Variants in AFF1 observed in about 807,000 individuals in gnomAD.
AFF1 encodes AF4/FMR2 family member 1.
Under a neutral mutation model 121.7 loss-of-function variants are expected in AFF1, and 48 were observed. That is an observed-to-expected ratio of 0.39 (90% CI 0.31 to 0.50). The LOEUF is 0.50. AFF1 is among the 20% of genes least tolerant of loss of function. The probability of loss-of-function intolerance (pLI) is 0.76; values close to 1 mark genes in which losing one functional copy is unlikely to be tolerated. For synonymous variants in AFF1, 613 were observed against 563.0 expected (o/e 1.09, Z -1.26); for missense variants, 1,523 against 1,511.7 (o/e 1.01, Z -0.12).
chr4:87,117,528 G>A (rs774899561), intron 12 of AFF1, among the ~76,000 whole-genome samples: 4 of 152,154 alleles, frequency 2.6e-5, no homozygotes, highest in Non-Finnish European at 5.9e-5. Flanking sequence ...TAATCCTAGT[G>A]CCTATCAGGG....
chr4:86,938,586 AGT>A (rs1287553516), intron 1 of AFF1, among the ~76,000 whole-genome samples: 23 of 152,290 alleles, frequency 1.5e-4, no homozygotes, highest in Admixed American at 1.0e-3. Flanking sequence ...GCTTTCTAGT[AGT>A]CTCTTTTTTT....
At chr4:86,995,957 G>A (rs1427442945) in intron 2 of AFF1, among the ~76,000 whole-genome samples, 2 of 146,980 alleles carry the variant, frequency 1.4e-5, no homozygotes, top group African/African-American at 2.5e-5. Context: ...GTCTCTGCCC[G>A]GCCGCCCCGT....
intron 2 of AFF1, among the ~76,000 whole-genome samples, chr4:87,000,605 C>CTGTGTG (rs57615388): frequency 0.13 from 19,031 of 146,278 alleles, 1,450 homozygotes; most frequent in Non-Finnish European, 0.17. Context: ...AAAATAAACT[C>CTGTGTG]TGTGTGTGTG....
At chr4:87,021,791 A>T (rs547728300) in intron 2 of AFF1, among the ~76,000 whole-genome samples, 1 of 152,366 alleles carries the variant, frequency 6.6e-6, no homozygotes, top group South Asian at 2.1e-4. Context: ...TGTGTTTGAT[A>T]AGTGATTTAG....
chr4:87,069,405 GTC>G (rs1721741254), intron 4 of AFF1, among the ~76,000 whole-genome samples: 1 of 139,892 alleles, frequency 7.1e-6, no homozygotes, highest in African/African-American at 2.7e-5. Flanking sequence ...TCTCTTTTCT[GTC>G]TCTCCCTCCC....
At chr4:86,943,418 G>C (rs1381037522) in intron 1 of AFF1, among the ~76,000 whole-genome samples, 1 of 152,218 alleles carries the variant, frequency 6.6e-6, no homozygotes, top group Non-Finnish European at 1.5e-5. Flanking sequence ...CTGTTACCAA[G>C]AGACTGTTAT....
In AFF1 at chr4:86,985,214, T is replaced by TATATATATAA. The variant is rs1277485096; in HGVS notation, c.38+36644_38+36645insTATATATAAA. Reference sequence around the variant, plus strand: ...ATATATATATATATATATATATATATAAAATTATATTTTAGGCCGGGCAGA... The same window carrying TATATATATAA: ...ATATATATATATATATATATATATATATATATATAAAAAATTATATTTTAGGCCGGGCAGA... On this transcript the variant is annotated intron_variant, in intron 2 of 20. Coordinates refer to ENST00000395146, the MANE Select transcript of AFF1 (RefSeq NM_001166693.3). Among the ~76,000 whole-genome samples, 195 of 104,438 alleles carry TATATATATAA rather than the reference T, an allele frequency of 1.9e-3. 1 individual carries two copies. Among genetic ancestry groups the TATATATATAA allele is most frequent in the African/African-American group, 5.8e-3 (175 of 29,952 alleles). 68.5% of individuals were successfully genotyped at this position (104,438 alleles called of 152,430 possible).
chr4:86,941,412 C>G lies in AFF1; in HGVS notation c.-37+6172C>G, dbSNP rs139276694. On this transcript the variant is annotated intron_variant, in intron 1 of 20. Transcript: ENST00000395146. ...GTGGGTCACGCCTGTAATCCCAGCA[C>G]TTTGGGAGGCCAAGGCGGGTGGATC... Among the ~76,000 whole-genome samples, 1,331 of 152,224 alleles carry G rather than the reference C, an allele frequency of 8.7e-3. 25 individuals are homozygous for G. The highest frequency in any genetic ancestry group is 0.031 in the African/African-American group (1,280 of 41,524).
At chr4:87,064,255 AGTAAG>A (rs1427051437) in intron 4 of AFF1, among the ~76,000 whole-genome samples, 1 of 152,236 alleles carries the variant, frequency 6.6e-6, no homozygotes, top group Non-Finnish European at 1.5e-5. Context: ...TCACAAATTT[AGTAAG>A]GAAAGGTGTA....
chr4:87,131,732 G>A (rs1728847807), intron 17 of AFF1, 61 bp from the exon 18 acceptor site: 1 of 1,324,172 alleles, frequency 7.6e-7, no homozygotes, highest in Non-Finnish European at 1.1e-6. Flanking sequence ...AACAAGCATA[G>A]TAAGTTGTAT....
chr4:87,127,755 A>T (rs1402730822), intron 16 of AFF1, 52 bp downstream of exon 16: 1 of 1,593,778 alleles, frequency 6.3e-7, no homozygotes, highest in South Asian at 1.1e-5. Context: ...ATAGTAAAAA[A>T]AATTTTTGGT....
At chr4:87,132,132 C>T in intron 18 of AFF1, 139 bp from the exon 19 acceptor site, 1 of 974,304 alleles carries the variant, frequency 1.0e-6, no homozygotes, top group Non-Finnish European at 1.5e-6. Context: ...ATAGTATGAA[C>T]AGAGCAGTAA....
chr4:87,108,335 G>A lies in AFF1; in HGVS notation c.1533+20G>A. On this transcript the variant is annotated intron_variant, in intron 11 of 20. Coordinates refer to ENST00000395146, the MANE Select transcript of AFF1 (RefSeq NM_001166693.3). ...CCGGAGGTACCGTGTTCCCCCTCGA[G>A]ATGGCCACCTTAGATGGCAGCATTC... 6.2e-7 allele frequency: 1 copy of A among 1,608,952 alleles called. No individual in the cohort carries two copies. Among genetic ancestry groups the A allele is most frequent in the Non-Finnish European group, 8.5e-7 (1 of 1,179,196 alleles).
At chr4:87,004,330 G>A (rs1212968049) in intron 2 of AFF1, among the ~76,000 whole-genome samples, 1 of 151,968 alleles carries the variant, frequency 6.6e-6, no homozygotes, top group Admixed American at 6.6e-5. Context: ...AACCCAAAGA[G>A]CTTTTGTATA....
At chr4:87,114,272 C>G (rs1187044306) in intron 11 of AFF1, 95 bp from the exon 12 acceptor site, 1 of 1,153,094 alleles carries the variant, frequency 8.7e-7, no homozygotes, top group African/African-American at 1.6e-5. Context: ...ATTTGCTCCT[C>G]TGCAGGACAG....
rs555484263 is a variant in AFF1, at chr4:87,136,041, G to A, written c.*340G>A. On this transcript the variant is annotated 3_prime_UTR_variant, in exon 21 of 21. Coordinates refer to ENST00000395146, the MANE Select transcript of AFF1 (RefSeq NM_001166693.3). ...GCAGGATACAAGTTGCAAATGAAAT[G>A]AGGAGAAACAGTTTCAACTCTGAAA... 223 of 259,702 alleles carry A rather than the reference G, an allele frequency of 8.6e-4. 2 individuals are homozygous for A. Among genetic ancestry groups the A allele is most frequent in the Middle Eastern group, 3.3e-3 (3 of 910 alleles). 16.1% of individuals were successfully genotyped at this position (259,702 alleles called of 1,614,324 possible).
At chr4:86,975,647 C>CT (rs919735878) in intron 2 of AFF1, among the ~76,000 whole-genome samples, 4 of 152,056 alleles carry the variant, frequency 2.6e-5, no homozygotes, top group African/African-American at 7.2e-5. Flanking sequence ...TTAAGACAGC[C>CT]TTTTTTTTCT....
rs1345075115 is a variant in AFF1, at chr4:86,949,999, G to A, written c.38+1428G>A. The A allele has an allele frequency of 3.7e-6, 6 of 1,614,100 alleles. No individual in the cohort carries two copies. The East Asian group carries it at 6.7e-5, about 18-fold the overall frequency. On this transcript the variant is annotated intron_variant, in intron 2 of 20. Coordinates refer to ENST00000395146, the MANE Select transcript of AFF1 (RefSeq NM_001166693.3). ...CGAGCTGGCAGATCACAAAGATGGCGAGCGCCAGTTTCACCTGCTGAGCTC... is the reference window on the plus strand; with the variant it reads ...CGAGCTGGCAGATCACAAAGATGGCAAGCGCCAGTTTCACCTGCTGAGCTC...
rs1490735409 is a variant in AFF1, at chr4:87,028,560, A to G, written c.39-17606A>G. The stretch of plus-strand genomic sequence containing the variant: ...CTGTTGGATGAGTTGTGTGTGCTTG[A>G]TAATACCTCATTTTGTAGAGATTAT... On this transcript the variant is annotated intron_variant, in intron 2 of 20. Coordinates refer to ENST00000395146, the MANE Select transcript of AFF1 (RefSeq NM_001166693.3). Among the ~76,000 whole-genome samples the G allele has an allele frequency of 2.6e-5, 4 of 152,070 alleles. No homozygotes were observed. The South Asian group carries it at 8.3e-4, about 31-fold the overall frequency.
Sources: gnomAD v4.1 joint callset for allele counts (sites outside exome capture counted in the v4.1 genomes callset) on GRCh38, gnomAD v4.1.1 for gene constraint, MANE v1.5 for transcripts, NCBI Gene and HGNC (gene_info 2026-07-23, HGNC 2026-07-21) for gene names.